Variants in LRP2 observed in about 807,000 individuals in gnomAD.
LRP2 encodes the protein LDL receptor related protein 2.
Under a neutral mutation model 531.0 loss-of-function variants are expected in LRP2, and 172 were observed. That is an observed-to-expected ratio of 0.32 (90% CI 0.29 to 0.37). The LOEUF (loss-of-function observed/expected upper bound fraction) is 0.37, where lower values mean the gene tolerates loss of function less well. Ranked by LOEUF, LRP2 falls within the 10% of genes least tolerant of loss-of-function variation. LRP2 has a pLI of 1.00. For missense variants in LRP2, 5,167 were observed against 5,868.3 expected (o/e 0.88, Z 3.90); for synonymous variants, 1,992 against 2,027.6 (o/e 0.98, Z 0.47).
intron 35 of LRP2, 26 bp from the exon 36 acceptor site, chr2:169,213,896 T>G: frequency 6.6e-7 from 1 of 1,521,888 alleles, no homozygotes; most frequent in Non-Finnish European, 9.1e-7. Flanking sequence ...TTTCATTAGT[T>G]TCATGGATTC....
chr2:169,131,408 A>C (rs936959140), intron 77 of LRP2, among the ~76,000 whole-genome samples: 4 of 152,148 alleles, frequency 2.6e-5, no homozygotes, highest in Non-Finnish European at 4.4e-5. Context: ...ACAGAAACCA[A>C]TGTTTAAGGT....
chr2:169,203,087 C>T, intron 42 of LRP2, 128 bp from the exon 43 acceptor site: 2 of 761,318 alleles, frequency 2.6e-6, no homozygotes, highest in East Asian at 2.7e-5. Context: ...GGAAGTTCTG[C>T]CCATTAACCT....
chr2:169,294,093 G>GAAACA, intron 6 of LRP2, 55 bp downstream of exon 6: 5 of 1,304,116 alleles, frequency 3.8e-6, no homozygotes, highest in Non-Finnish European at 5.6e-6. Flanking sequence ...AAACAAAACC[G>GAAACA]AAACAAAACA....
intron 64 of LRP2, 44 bp downstream of exon 64, chr2:169,157,327 A>T (rs771774926): frequency 1.4e-5 from 22 of 1,596,340 alleles, no homozygotes; most frequent in Non-Finnish European, 4.3e-6. Context: ...AGAACCTTAG[A>T]TGTAAAGTTC....
At chr2:169,322,659 T>C (rs1273350999) in intron 1 of LRP2, among the ~76,000 whole-genome samples, 2 of 152,176 alleles carry the variant, frequency 1.3e-5, no homozygotes, top group African/African-American at 4.8e-5. Flanking sequence ...ACACAACATA[T>C]ATTAAATCAC....
chr2:169,279,798 A>G (rs1008924195), intron 11 of LRP2, among the ~76,000 whole-genome samples: 1 of 152,198 alleles, frequency 6.6e-6, no homozygotes, highest in Admixed American at 6.5e-5. Context: ...ATAAAATTCC[A>G]TAACTCTTTA....
intron 4 of LRP2, among the ~76,000 whole-genome samples, chr2:169,303,021 T>C (rs1011620753): frequency 2.0e-5 from 3 of 152,022 alleles, no homozygotes; most frequent in Admixed American, 6.6e-5. Context: ...AGATAAATAC[T>C]GAAATATTTA....
At chr2:169,147,746 A>G (rs146866838) in intron 68 of LRP2, among the ~76,000 whole-genome samples, 230 of 152,304 alleles carry the variant, frequency 1.5e-3, no homozygotes, top group African/African-American at 5.4e-3. Flanking sequence ...CCTGGAGAGG[A>G]ACAGGTATGT....
intron 30 of LRP2, among the ~76,000 whole-genome samples, chr2:169,232,059 C>T (rs1210714736): frequency 2.0e-5 from 3 of 152,112 alleles, no homozygotes; most frequent in African/African-American, 7.2e-5. Flanking sequence ...ATAAGAGACA[C>T]GAGAGAGGAG....
At chr2:169,178,804 C>T (rs1687312169) in intron 52 of LRP2, among the ~76,000 whole-genome samples, 1 of 152,006 alleles carries the variant, frequency 6.6e-6, no homozygotes, top group Admixed American at 6.6e-5. Flanking sequence ...TCCTAAAACT[C>T]AAACAGGAGA....
chr2:169,261,020 T>G (rs1690524941), intron 16 of LRP2, among the ~76,000 whole-genome samples: 2 of 151,920 alleles, frequency 1.3e-5, no homozygotes, highest in Non-Finnish European at 2.9e-5. Context: ...GTGACCAGGA[T>G]GAGAGGGGTG....
chr2:169,132,169 G>T (rs1034298354), intron 77 of LRP2, among the ~76,000 whole-genome samples: 2 of 152,148 alleles, frequency 1.3e-5, no homozygotes. Context: ...AGAACAGCTT[G>T]AAAGAATAAA....
Position 169,157,451 on chromosome 2 carries a change from G to A in LRP2, c.11939C>T (p.Thr3980Ile). Residue 3980 changes from threonine (T) to isoleucine (I), a missense_variant, in exon 64 of 79, where the codon ACC becomes ATC. Thr to Ile is a moderately conservative substitution (Grantham distance 89). Around this residue, in one of 6 missense-constraint regions of LRP2, gnomAD observed 564 missense variants for 747.7 expected, o/e 0.75. Transcript: ENST00000649046. ...CAENICEQNCTQLNEGGFICS... is the reference protein window; with the variant it reads ...CAENICEQNCIQLNEGGFICS... ...GATAAATCCTCCTTCATTTAATTGG[G>A]TACAATTTTGCTCGCATATATTTTC... 1 of 1,613,044 alleles carries A rather than the reference G, an allele frequency of 6.2e-7. No individual in the cohort carries two copies. The highest frequency in any genetic ancestry group is 8.5e-7 in the Non-Finnish European group (1 of 1,179,382).
chr2:169,203,928 T>C (rs1688287449), intron 42 of LRP2, 54 bp downstream of exon 42: 1 of 1,574,312 alleles, frequency 6.4e-7, no homozygotes, highest in African/African-American at 1.3e-5. Flanking sequence ...TCCTTACCAA[T>C]TGGTATTGTG....
chr2:169,198,130 C>T (rs961360019), intron 45 of LRP2, among the ~76,000 whole-genome samples: 3 of 152,124 alleles, frequency 2.0e-5, no homozygotes, highest in African/African-American at 7.2e-5. Context: ...CTTTCAGTTA[C>T]TGGTCAGGCA....
intron 63 of LRP2, 41 bp from the exon 64 acceptor site, chr2:169,157,543 C>T: frequency 6.8e-6 from 11 of 1,608,502 alleles, no homozygotes; most frequent in Non-Finnish European, 9.3e-6. Flanking sequence ...AGATCAGCCA[C>T]AAATAACAGT....
At chr2:169,142,509 C>G (rs1010921229) in intron 71 of LRP2, among the ~76,000 whole-genome samples, 165 bp downstream of exon 71, 2 of 152,184 alleles carry the variant, frequency 1.3e-5, no homozygotes, top group African/African-American at 4.8e-5. Context: ...CTGTTTGCCC[C>G]CTAAGTCCCA....
chr2:169,240,137 T>A (rs1689753136), intron 25 of LRP2, among the ~76,000 whole-genome samples: 1 of 152,210 alleles, frequency 6.6e-6, no homozygotes, highest in African/African-American at 2.4e-5. Flanking sequence ...GTTTTCTTCC[T>A]CTGAAATTCT....
rs1683815240 is a variant in LRP2 at position 169,285,027 on chromosome 2, G to A, written c.1043-2026C>T. Among the ~76,000 whole-genome samples, 3 of 152,062 alleles carry A rather than the reference G, an allele frequency of 2.0e-5. No homozygotes were observed. The South Asian group carries it at 6.2e-4, about 32-fold the overall frequency. Reference sequence around the variant, plus strand: ...AGTGGTTTAAAGATTTGAATGAGTGGGCCAGGCACAGTGGCTCACGCCTAT... The same window carrying A: ...AGTGGTTTAAAGATTTGAATGAGTGAGCCAGGCACAGTGGCTCACGCCTAT... On this transcript the variant is annotated intron_variant, in intron 9 of 78. Coordinates refer to ENST00000649046, the MANE Select transcript of LRP2 (RefSeq NM_004525.3).
Sources: gnomAD v4.1 joint callset for allele counts (sites outside exome capture counted in the v4.1 genomes callset) on GRCh38, gnomAD v4.1.1 for gene constraint, gnomAD v4.1.1 regional missense constraint, MANE v1.5 for transcripts, NCBI Gene and HGNC (gene_info 2026-07-23, HGNC 2026-07-21) for gene names.